Variants in EFHD2 observed in about 807,000 individuals in gnomAD.
The protein encoded by EFHD2 is EF-hand domain family member D2, also known as EF-hand domain-containing protein D2.
A neutral mutation model predicts 20.3 loss-of-function variants in EFHD2; 12 were observed. The observed-to-expected ratio is 0.59, with a 90% CI of 0.38 to 0.96. EFHD2 has a LOEUF of 0.96. EFHD2 is among the 40% of genes least tolerant of loss of function. The pLI is 0.00. For missense variants in EFHD2, 250 were observed against 334.3 expected (o/e 0.75, Z 1.97); for synonymous variants, 131 against 143.9 (o/e 0.91, Z 0.64).
In EFHD2 at chr1:15,416,001, AC is replaced by A. The variant is rs1707663009; in HGVS notation, c.308+5724del. 2.0e-5 allele frequency among the ~76,000 whole-genome samples: 3 copies of A among 151,468 alleles called. No homozygotes were observed. In the South Asian group the frequency reaches 6.3e-4, roughly 32 times the overall value. ...GAGAGGTGGAGAGGTGGGGTCCTTC[AC>A]CTGCAGCTTAGGGTCAGTGGGTGGG... On this transcript the variant is annotated intron_variant, in intron 1 of 3. Transcript: ENST00000375980.
rs1440613264 is a variant in EFHD2 at position 15,410,084 on chromosome 1, C to CGGT, written c.115_116insTGG (p.Ala38_Gly39insVal). 2 of 1,406,056 alleles carry CGGT rather than the reference C, an allele frequency of 1.4e-6. No homozygotes were observed. The highest frequency in any genetic ancestry group is 7.8e-5 in the Admixed American group (2 of 25,648). 87.1% of individuals were successfully genotyped at this position (1,406,056 alleles called of 1,614,324 possible). ...CTGAACGGGGCAGCGGCGGCGGCGG[C>CGGT]GGGGGCACCCGACGAGGCGGCCGAG... On this transcript the variant is annotated inframe_insertion, in exon 1 of 4. Coordinates refer to ENST00000375980, the MANE Select transcript of EFHD2 (RefSeq NM_024329.6).
At position 15,428,666 on chromosome 1, in the gene EFHD2, C is replaced by A; in HGVS notation, c.665C>A (p.Ala222Glu). The A allele has an allele frequency of 6.2e-7, 1 of 1,608,012 alleles. No individual in the cohort carries two copies. Among genetic ancestry groups the A allele is most frequent in the Non-Finnish European group, 8.5e-7 (1 of 1,177,762 alleles). ...GAGCAGGAGGAAAGGAAGAAGCAGG[C>A]GGAGGAGATGAAGCAGCGGAAAGCG... ...KAEQEERKKQAEEMKQRKAAF... is the reference protein window; with the variant it reads ...KAEQEERKKQEEEMKQRKAAF... The change falls in exon 4 of 4, where the codon GCG (alanine) becomes GAG (glutamate). Residue 222 changes from alanine to glutamate, a missense_variant. By Grantham distance (107) the Ala-to-Glu change is moderately radical. Coordinates refer to ENST00000375980, the MANE Select transcript of EFHD2 (RefSeq NM_024329.6).
At chr1:15,417,577 C>A (rs992362240) in intron 1 of EFHD2, among the ~76,000 whole-genome samples, 29 of 152,178 alleles carry the variant, frequency 1.9e-4, no homozygotes, top group Non-Finnish European at 4.1e-4. Context: ...CTCTCTCTCT[C>A]TTTCTCCCCC....
chr1:15,427,425 G>A, intron 3 of EFHD2, 141 bp downstream of exon 3: 1 of 1,425,354 alleles, frequency 7.0e-7, no homozygotes, highest in Non-Finnish European at 9.3e-7. Flanking sequence ...GCTGGGCCAG[G>A]CCCACACGCT....
chr1:15,419,333 C>T (rs777701135), intron 1 of EFHD2, among the ~76,000 whole-genome samples: 32 of 152,364 alleles, frequency 2.1e-4, no homozygotes, highest in East Asian at 3.9e-4. Context: ...GATAGGAATG[C>T]GGGCACGGTG....
intron 2 of EFHD2, 127 bp from the exon 3 acceptor site, chr1:15,427,023 C>T: frequency 7.6e-7 from 1 of 1,313,992 alleles, no homozygotes. Flanking sequence ...GGGGCGAGAC[C>T]CAGCTCACTG....
chr1:15,412,481 C>T (rs1411648889), intron 1 of EFHD2, among the ~76,000 whole-genome samples: 1 of 152,230 alleles, frequency 6.6e-6, no homozygotes, highest in Non-Finnish European at 1.5e-5. Flanking sequence ...CTCCAAATCC[C>T]GGGCTCTTCC....
Position 15,410,375 on chromosome 1 carries a change from C to T in EFHD2, c.308+96C>T, listed in dbSNP as rs1462862877. On this transcript the variant is annotated intron_variant, in intron 1 of 3. Transcript: ENST00000375980. ...CCGGATCCCGCTCCGCCCCGGGAGC[C>T]TGCCGTCAGCCAAGCTTCCCCGAAC... 59 of 1,401,714 alleles carry T rather than the reference C, an allele frequency of 4.2e-5. No individual in the cohort carries two copies. In the East Asian group the frequency reaches 1.6e-3, roughly 39 times the overall value. 86.8% of individuals were successfully genotyped at this position (1,401,714 alleles called of 1,614,324 possible).
intron 1 of EFHD2, among the ~76,000 whole-genome samples, chr1:15,418,299 CTTTTTTTT>C (rs764390342): frequency 1.3e-5 from 1 of 76,874 alleles, no homozygotes; most frequent in African/African-American, 6.6e-5. Flanking sequence ...CGAGGAGCAA[CTTTTTTTT>C]TTTTTTTTTT....
chr1:15,423,926 A>G (rs1278815333), intron 1 of EFHD2, among the ~76,000 whole-genome samples: 1 of 152,086 alleles, frequency 6.6e-6, no homozygotes, highest in African/African-American at 2.4e-5. Flanking sequence ...AAAGTGGTGC[A>G]CGCCTGTAAT....
intron 1 of EFHD2, 142 bp downstream of exon 1, chr1:15,410,421 G>T: frequency 9.2e-7 from 1 of 1,091,090 alleles, no homozygotes; most frequent in East Asian, 3.0e-5. Context: ...CGGGGTTGGG[G>T]ACCCGGCGGC....
At chr1:15,416,815 AT>A (rs897590640) in intron 1 of EFHD2, among the ~76,000 whole-genome samples, 100 of 147,792 alleles carry the variant, frequency 6.8e-4, no homozygotes, top group African/African-American at 2.2e-3. Context: ...GTAATCTGCA[AT>A]TTTTTTTTTT....
At position 15,428,719 on chromosome 1, in the gene EFHD2, A is replaced by C; in HGVS notation, c.718A>C (p.Lys240Gln). The C allele has an allele frequency of 1.9e-6, 3 of 1,584,930 alleles. No individual in the cohort carries two copies. Among genetic ancestry groups the C allele is most frequent in the Non-Finnish European group, 2.6e-6 (3 of 1,166,560 alleles). ...AAFKELQSTF[K>Q] ...CTTCAAGGAGCTGCAGTCCACCTTT[A>C]AGTAGCGGGGGCTGCAGCCGACCGC... is the stretch of plus-strand genomic sequence containing the variant. Residue 240 changes from lysine to glutamine, a missense_variant, in exon 4 of 4, where the codon AAG (lysine) becomes CAG (glutamine). Coordinates refer to ENST00000375980, the MANE Select transcript of EFHD2 (RefSeq NM_024329.6).
intron 3 of EFHD2, chr1:15,427,877 G>A (rs771635927): frequency 4.5e-5 from 21 of 469,022 alleles, no homozygotes; most frequent in South Asian, 2.2e-4. Context: ...AGCATTGGTG[G>A]AACTTTTCAG....
In EFHD2 at chr1:15,426,501, G is replaced by A. The variant is rs1707873881; in HGVS notation, c.456+483G>A. Among the ~76,000 whole-genome samples the A allele has an allele frequency of 6.6e-6, 1 of 152,148 alleles. No homozygotes were observed. The highest frequency in any genetic ancestry group is 2.4e-5 in the African/African-American group (1 of 41,428). On this transcript the variant is annotated intron_variant, in intron 2 of 3. Coordinates refer to ENST00000375980, the MANE Select transcript of EFHD2 (RefSeq NM_024329.6). This position sits in a 1 kb window ranked among gnomAD's most constrained non-coding sequence, Gnocchi z 4.6. ...GGGAAGGAAATGGAGGCCCAAGCCAGACAGCGATGATACTGGACCCCAGGA... is the reference window on the plus strand; with the variant it reads ...GGGAAGGAAATGGAGGCCCAAGCCAAACAGCGATGATACTGGACCCCAGGA...
intron 1 of EFHD2, among the ~76,000 whole-genome samples, chr1:15,420,411 G>A (rs1427424589): frequency 6.6e-6 from 1 of 152,006 alleles, no homozygotes; most frequent in Non-Finnish European, 1.5e-5. Context: ...GCTCGATCAG[G>A]GCTCACTGCA....
At chr1:15,410,345 G>T (rs1570757079) in intron 1 of EFHD2, 66 bp downstream of exon 1, 2 of 1,372,300 alleles carry the variant, frequency 1.5e-6, no homozygotes, top group Admixed American at 5.6e-5. Context: ...CGAACCCCCC[G>T]ATCCCCGGAT....
chr1:15,424,168 A>G (rs1007457564), intron 1 of EFHD2, among the ~76,000 whole-genome samples: 3 of 146,418 alleles, frequency 2.0e-5, no homozygotes, highest in Non-Finnish European at 4.5e-5. Context: ...ACAGAGCAAC[A>G]CCCCGTCTCA....
intron 3 of EFHD2, 138 bp from the exon 4 acceptor site, chr1:15,428,455 C>A: frequency 9.0e-7 from 1 of 1,112,178 alleles, no homozygotes; most frequent in Non-Finnish European, 1.2e-6. Flanking sequence ...CAAGATTGCG[C>A]CATCGCACTC....
Sources: allele counts gnomAD v4.1 joint callset (sites outside exome capture counted in the v4.1 genomes callset), GRCh38; gene constraint gnomAD v4.1.1; non-coding constraint Gnocchi (gnomAD v3.1); transcripts MANE v1.5; gene names NCBI Gene and HGNC (gene_info 2026-07-23, HGNC 2026-07-21).